Variants in CLIC5 observed in about 807,000 individuals in gnomAD.
CLIC5 encodes the protein CLIC family member 5.
In CLIC5, 20 loss-of-function variants were observed where a neutral mutation model predicts 24.7. The ratio of observed to expected loss-of-function variants is 0.81; its 90% CI spans 0.57 to 1.18. The LOEUF (loss-of-function observed/expected upper bound fraction) is 1.18. CLIC5 is among the 50% of genes most tolerant of loss of function. The pLI is 0.00. For missense variants in CLIC5, 341 were observed against 326.1 expected (o/e 1.05, Z -0.35); for synonymous variants, 159 against 135.6 (o/e 1.17, Z -1.20).
chr6:46,113,331 A>G, the CLIC5 span, among the ~76,000 whole-genome samples: 1 of 152,190 alleles, frequency 6.6e-6, no homozygotes, highest in African/African-American at 2.4e-5. Flanking sequence ...AGTGGGAAGG[A>G]AAGAAACAGC....
chr6:46,075,797 T>C (rs1762750542), intron 1 of CLIC5, among the ~76,000 whole-genome samples: 1 of 152,198 alleles, frequency 6.6e-6, no homozygotes, highest in African/African-American at 2.4e-5. Context: ...CTCTTTAACA[T>C]ACATACATAC....
At chr6:46,111,915 T>G in the CLIC5 span, among the ~76,000 whole-genome samples, 5 of 152,176 alleles carry the variant, frequency 3.3e-5, no homozygotes, top group Non-Finnish European at 7.3e-5. Context: ...AGTTCTCTCT[T>G]GTCTGCCACT....
chr6:45,929,448 C>A (rs887923353), intron 4 of CLIC5, among the ~76,000 whole-genome samples: 1 of 152,148 alleles, frequency 6.6e-6, no homozygotes, highest in Non-Finnish European at 1.5e-5. Context: ...ATTTGTTTTT[C>A]CTTACAAGAA....
intron 1 of CLIC5, among the ~76,000 whole-genome samples, chr6:45,991,988 A>G (rs1765958847): frequency 6.6e-6 from 1 of 152,224 alleles, no homozygotes; most frequent in African/African-American, 2.4e-5. Flanking sequence ...AAAACAACTT[A>G]TGATCATAGC....
rs1168599332 is a variant in CLIC5 at position 45,910,427 on chromosome 6, C to G, written c.588+3801G>C. 2.6e-5 allele frequency among the ~76,000 whole-genome samples: 4 copies of G among 152,268 alleles called. No homozygotes were observed. In the East Asian group the frequency reaches 7.7e-4, roughly 29 times the overall value. ...TTTACAATCTTATCTGTACATCAGACAAGGTTCTCTAGTGTCAAGTGTAAT... is the reference window on the plus strand; with the variant it reads ...TTTACAATCTTATCTGTACATCAGAGAAGGTTCTCTAGTGTCAAGTGTAAT... On this transcript the variant is annotated intron_variant, in intron 5 of 5. Coordinates refer to ENST00000339561, the MANE Select transcript of CLIC5 (RefSeq NM_016929.5).
intron 6 of CLIC5, among the ~76,000 whole-genome samples, chr6:45,893,186 T>C (rs941317563): frequency 7.2e-5 from 11 of 152,030 alleles, no homozygotes; most frequent in Admixed American, 2.6e-4. Context: ...TCATGTTGTA[T>C]GGCAACTTGA....
At chr6:45,920,255 C>T in intron 4 of CLIC5, 1 of 984,512 alleles carries the variant, frequency 1.0e-6, no homozygotes, top group Non-Finnish European at 1.2e-6. Context: ...GCAACCATGA[C>T]CCATCACATC....
chr6:46,058,982 G>T (rs966107845), intron 1 of CLIC5, among the ~76,000 whole-genome samples: 9 of 152,322 alleles, frequency 5.9e-5, no homozygotes, highest in African/African-American at 2.2e-4. Flanking sequence ...GATGCCAACA[G>T]CAGGAAGCTG....
At chr6:46,097,418 T>C in the CLIC5 span, 5 of 152,252 alleles carry the variant, frequency 3.3e-5, no homozygotes, top group Non-Finnish European at 4.4e-5. Flanking sequence ...CAGCTTGGGA[T>C]AGATGCCATT....
At chr6:46,127,260 T>G in the CLIC5 span, among the ~76,000 whole-genome samples, 1 of 152,216 alleles carries the variant, frequency 6.6e-6, no homozygotes, top group East Asian at 1.9e-4. Context: ...TTCTAGCTAT[T>G]TTGAAATATA....
At chr6:46,038,793 G>A (rs1006204996) in intron 1 of CLIC5, among the ~76,000 whole-genome samples, 3 of 152,142 alleles carry the variant, frequency 2.0e-5, no homozygotes, top group Non-Finnish European at 4.4e-5. Flanking sequence ...TTTAGATATT[G>A]TTTTCAAGTA....
chr6:46,078,378 A>T (rs76759958), intron 1 of CLIC5, among the ~76,000 whole-genome samples: 1 of 147,940 alleles, frequency 6.8e-6, no homozygotes, highest in Non-Finnish European at 1.5e-5. Context: ...AAAAAAAAAA[A>T]GTTTGTTTGC....
chr6:46,046,673 T>A (rs1231685971), intron 1 of CLIC5, among the ~76,000 whole-genome samples: 1 of 152,212 alleles, frequency 6.6e-6, no homozygotes, highest in Non-Finnish European at 1.5e-5. Flanking sequence ...TAGAGTAGTT[T>A]TAGCACTCTT....
intron 1 of CLIC5, among the ~76,000 whole-genome samples, chr6:46,027,907 T>C (rs2127453909): frequency 6.6e-6 from 1 of 152,350 alleles, no homozygotes; most frequent in Admixed American, 6.5e-5. Flanking sequence ...GTTCATTCCA[T>C]TACATTGAAA....
chr6:45,989,337 A>G (rs1765849611), intron 1 of CLIC5, among the ~76,000 whole-genome samples: 1 of 152,174 alleles, frequency 6.6e-6, no homozygotes, highest in Non-Finnish European at 1.5e-5. Flanking sequence ...AGCTCTATAA[A>G]TATTCTCATT....
intron 1 of CLIC5, among the ~76,000 whole-genome samples, chr6:45,969,299 C>A (rs1211704859): frequency 2.6e-5 from 4 of 152,200 alleles, no homozygotes; most frequent in Non-Finnish European, 4.4e-5. Flanking sequence ...AAGGAAGAAC[C>A]ACCTGTGACC....
At chr6:45,965,866 T>C (rs1402681436) in intron 1 of CLIC5, among the ~76,000 whole-genome samples, 2 of 152,220 alleles carry the variant, frequency 1.3e-5, no homozygotes, top group African/African-American at 2.4e-5. Context: ...ATTCCCCCTA[T>C]ATTTAAGGAA....
chr6:46,022,586 T>C (rs1051907442), intron 1 of CLIC5, among the ~76,000 whole-genome samples: 2 of 152,134 alleles, frequency 1.3e-5, no homozygotes, highest in Non-Finnish European at 1.5e-5. Flanking sequence ...GAGTTGTTAG[T>C]TCTATTTCTT....
intron 4 of CLIC5, among the ~76,000 whole-genome samples, chr6:45,915,717 C>A (rs1291469039): frequency 3.3e-5 from 5 of 152,108 alleles, no homozygotes; most frequent in Non-Finnish European, 7.4e-5. Context: ...TATTTAGACA[C>A]AAAAGCAGAC....
Sources: gnomAD v4.1 joint callset for allele counts (sites outside exome capture counted in the v4.1 genomes callset) on GRCh38, gnomAD v4.1.1 for gene constraint, MANE v1.5 for transcripts, NCBI Gene and HGNC (gene_info 2026-07-23, HGNC 2026-07-21) for gene names.